VOPP1: variants seen among roughly 807,000 people sequenced by gnomAD.
VOPP1 encodes VOPP1 WW domain binding protein.
A neutral mutation model predicts 23.5 loss-of-function variants in VOPP1; 8 were observed. The observed-to-expected ratio is 0.34, with a 90% CI of 0.20 to 0.61. The LOEUF (loss-of-function observed/expected upper bound fraction) is 0.61. Ranked by LOEUF, VOPP1 falls within the 20% of genes least tolerant of loss-of-function variation. The pLI is 0.78. For missense variants in VOPP1, 174 were observed against 238.1 expected, an observed-to-expected ratio of 0.73 and a Z score of 1.77; for synonymous variants, 83 against 97.3, an observed-to-expected ratio of 0.85 and a Z score of 0.86.
intron 3 of VOPP1, among the ~76,000 whole-genome samples, chr7:55,496,484 T>A (rs1399920595): frequency 6.6e-6 from 1 of 152,234 alleles, no homozygotes; most frequent in Non-Finnish European, 1.5e-5. Flanking sequence ...CTCTGCAGTG[T>A]GGGGACCTGA....
At chr7:55,480,433 T>C (rs1792621587) in intron 4 of VOPP1, among the ~76,000 whole-genome samples, 1 of 152,262 alleles carries the variant, frequency 6.6e-6, no homozygotes, top group South Asian at 2.1e-4. Context: ...CTTTTATTTT[T>C]GTGTTCTTCT....
intron 4 of VOPP1, among the ~76,000 whole-genome samples, chr7:55,443,537 G>A (rs1394244815): frequency 3.3e-5 from 5 of 152,056 alleles, no homozygotes; most frequent in African/African-American, 1.2e-4. Context: ...CTGGGCAACA[G>A]AGAGAGACTC....
At chr7:55,480,855 G>GT (rs1422645421) in intron 4 of VOPP1, among the ~76,000 whole-genome samples, 4 of 152,226 alleles carry the variant, frequency 2.6e-5, no homozygotes, top group African/African-American at 9.6e-5. Flanking sequence ...CACTGAGGAT[G>GT]TAACAATGAC....
At chr7:55,557,208 G>A (rs1237531747) in intron 1 of VOPP1, among the ~76,000 whole-genome samples, 2 of 152,020 alleles carry the variant, frequency 1.3e-5, no homozygotes. Context: ...TGCTAGGTCC[G>A]ACTGCAGAAA....
chr7:55,438,155 A>G (rs1372519174), intron 4 of VOPP1, among the ~76,000 whole-genome samples: 1 of 152,048 alleles, frequency 6.6e-6, no homozygotes, highest in East Asian at 1.9e-4. Flanking sequence ...TCGGCCCCCC[A>G]AAGTGCTGGG....
At chr7:55,571,395 T>C (rs1798348740) in intron 1 of VOPP1, among the ~76,000 whole-genome samples, 1 of 152,238 alleles carries the variant, frequency 6.6e-6, no homozygotes, top group Non-Finnish European at 1.5e-5. Context: ...TGGGATTCAT[T>C]ACCTATTTCT....
chr7:55,447,683 A>G (rs1052211552), intron 4 of VOPP1, among the ~76,000 whole-genome samples: 2 of 152,200 alleles, frequency 1.3e-5, no homozygotes, highest in African/African-American at 2.4e-5. Context: ...GTACATATAC[A>G]TATGTATCTC....
chr7:55,517,184 G>C (rs1477695517), intron 2 of VOPP1, among the ~76,000 whole-genome samples: 2 of 151,338 alleles, frequency 1.3e-5, no homozygotes, highest in East Asian at 3.9e-4. Flanking sequence ...CCTGAGCTCA[G>C]GAGATCAGCC....
chr7:55,446,687 G>C (rs1476925379), intron 4 of VOPP1, among the ~76,000 whole-genome samples: 1 of 152,192 alleles, frequency 6.6e-6, no homozygotes, highest in Non-Finnish European at 1.5e-5. Context: ...ATATATCAGA[G>C]TTGAAGTAAC....
intron 4 of VOPP1, 45 bp downstream of exon 4, chr7:55,492,237 C>T (rs117942953): frequency 1.3e-4 from 209 of 1,571,720 alleles, no homozygotes; most frequent in Admixed American, 8.5e-4. Context: ...TGTTGGCAGA[C>T]GACACACACT....
chr7:55,438,030 G>A (rs1481949648), intron 4 of VOPP1, among the ~76,000 whole-genome samples: 1 of 151,840 alleles, frequency 6.6e-6, no homozygotes, highest in Non-Finnish European at 1.5e-5. Flanking sequence ...AAGTAGCTGG[G>A]ATTACAGATT....
Position 55,492,294 on chromosome 7 carries a change from T to C in VOPP1, c.316A>G (p.Asn106Asp). The stretch of plus-strand genomic sequence containing the variant: ...AGGGCTGGCTGACCTGGGCCGGGAT[T>C]TGGGGGCTGCCTGGTGTAGGACACA... ...FNVSYTRQPP[N>D]PGPGAQQPGP... Residue 106 changes from asparagine to aspartate, a missense_variant, in exon 4 of 5, where the codon AAT becomes GAT. Asn to Asp is a conservative substitution (Grantham distance 23). Transcript: ENST00000285279. 1.2e-6 allele frequency: 2 copies of C among 1,610,318 alleles called. No homozygotes were observed. The highest frequency in any genetic ancestry group is 1.7e-6 in the Non-Finnish European group (2 of 1,177,956).
chr7:55,565,508 C>G (rs1315454118), intron 1 of VOPP1, among the ~76,000 whole-genome samples: 5 of 151,988 alleles, frequency 3.3e-5, no homozygotes, highest in Admixed American at 6.5e-5. Flanking sequence ...GTCCATGGTA[C>G]AAAACAATAT....
intron 1 of VOPP1, among the ~76,000 whole-genome samples, chr7:55,551,368 T>C (rs1265786801): frequency 6.6e-6 from 1 of 152,234 alleles, no homozygotes; most frequent in Non-Finnish European, 1.5e-5. Context: ...ACCGTACACC[T>C]GTGCTGGCAA....
chr7:55,504,065 G>C (rs941712228), intron 2 of VOPP1, among the ~76,000 whole-genome samples: 2 of 152,114 alleles, frequency 1.3e-5, no homozygotes, highest in East Asian at 3.9e-4. Flanking sequence ...TGGGGAGTTC[G>C]AGAATCCAAT....
intron 1 of VOPP1, among the ~76,000 whole-genome samples, chr7:55,552,479 T>C (rs937946143): frequency 2.0e-5 from 3 of 151,744 alleles, no homozygotes; most frequent in African/African-American, 7.3e-5. Context: ...ACCCATTATT[T>C]TTCAGACCTA....
At chr7:55,449,917 C>T (rs879733561) in intron 4 of VOPP1, among the ~76,000 whole-genome samples, 1 of 152,170 alleles carries the variant, frequency 6.6e-6, no homozygotes, top group Non-Finnish European at 1.5e-5. Context: ...AACCTGTCAC[C>T]CTTGAGGGGA....
chr7:55,538,900 G>A (rs1484801931), intron 1 of VOPP1, among the ~76,000 whole-genome samples: 1 of 151,698 alleles, frequency 6.6e-6, no homozygotes, highest in Non-Finnish European at 1.5e-5. Context: ...CAAATATTTG[G>A]GTATACAATC....
At chr7:55,540,022 G>C (rs2129050462) in intron 1 of VOPP1, among the ~76,000 whole-genome samples, 1 of 151,346 alleles carries the variant, frequency 6.6e-6, no homozygotes, top group Non-Finnish European at 1.5e-5. Context: ...TAAAATTTAG[G>C]GCTCATTTTC....
Sources: gnomAD v4.1 joint callset for allele counts (sites outside exome capture counted in the v4.1 genomes callset) on GRCh38, gnomAD v4.1.1 for gene constraint, MANE v1.5 for transcripts, NCBI Gene and HGNC (gene_info 2026-07-23, HGNC 2026-07-21) for gene names.